Variants in RANBP3 observed in about 807,000 individuals in gnomAD.
The protein encoded by RANBP3 is RAN binding protein 3.
In RANBP3, 14 loss-of-function variants were observed where a neutral mutation model predicts 77.3. The observed-to-expected ratio is 0.18, with a 90% CI of 0.12 to 0.28. RANBP3 has a LOEUF of 0.28. RANBP3 is among the 10% of genes least tolerant of loss of function. The probability of loss-of-function intolerance (pLI) is 1.00; values close to 1 mark genes in which losing one functional copy is unlikely to be tolerated. For synonymous variants in RANBP3, 315 were observed against 312.4 expected, an observed-to-expected ratio of 1.01 and a Z score of -0.09; for missense variants, 586 against 752.3, an observed-to-expected ratio of 0.78 and a Z score of 2.59.
At chr19:5,936,121 G>T (rs1421364888) in intron 5 of RANBP3, among the ~76,000 whole-genome samples, 1 of 152,248 alleles carries the variant, frequency 6.6e-6, no homozygotes, top group Non-Finnish European at 1.5e-5. Context: ...AACCAGGGAA[G>T]GGATGGGAAT....
At chr19:5,975,914 A>G (rs2058585364) in intron 1 of RANBP3, among the ~76,000 whole-genome samples, 2 of 152,184 alleles carry the variant, frequency 1.3e-5, no homozygotes, top group South Asian at 4.1e-4. Flanking sequence ...TAGTTAGCAC[A>G]GAGCAAGGCA....
intron 1 of RANBP3, among the ~76,000 whole-genome samples, chr19:5,976,125 G>A (rs1386423010): frequency 6.6e-6 from 1 of 152,262 alleles, no homozygotes; most frequent in Middle Eastern, 3.4e-3. Context: ...GGGAAACCAG[G>A]GGTGACTTCA....
chr19:5,956,607 G>A (rs570156425), intron 2 of RANBP3, among the ~76,000 whole-genome samples: 1 of 152,322 alleles, frequency 6.6e-6, no homozygotes, highest in Admixed American at 6.5e-5. Context: ...CTAACACACA[G>A]GTATCCTGGG....
At position 5,924,942 on chromosome 19, in the gene RANBP3, G is replaced by A. The variant is rs767873796; in HGVS notation, c.918-37C>T. On this transcript the variant is annotated intron_variant, in intron 10 of 16. Transcript: ENST00000340578. The surrounding 1 kb of genome is among the most constrained non-coding windows in gnomAD (Gnocchi z 4.7). Reference sequence around the variant, plus strand: ...ATGTGCAATGAGTGTGGGGCGTCACGTGGGAACGTGGCCAGGCAAATGTAT... The same window carrying A: ...ATGTGCAATGAGTGTGGGGCGTCACATGGGAACGTGGCCAGGCAAATGTAT... The A allele has an allele frequency of 1.6e-5, 25 of 1,576,620 alleles. No homozygotes were observed. Among genetic ancestry groups the A allele is most frequent in the Middle Eastern group, 1.7e-4 (1 of 6,002 alleles).
At position 5,923,595 on chromosome 19, in the gene RANBP3, C is replaced by T. The variant is rs146156600; in HGVS notation, c.1099+217G>A. Among the ~76,000 whole-genome samples the T allele has an allele frequency of 1.4e-3, 210 of 152,322 alleles. No individual in the cohort carries two copies. Among genetic ancestry groups the T allele is most frequent in the Middle Eastern group, 6.8e-3 (2 of 294 alleles). On this transcript the variant is annotated intron_variant, in intron 12 of 16. Transcript: ENST00000340578. ...CTCCACGCCTGCTGCCTGCGCCTCC[C>T]CACCCTCCCCACGGCCACAAGGCGA...
chr19:5,919,105 G>A (rs548625403), intron 14 of RANBP3, among the ~76,000 whole-genome samples: 7 of 152,064 alleles, frequency 4.6e-5, no homozygotes, highest in Non-Finnish European at 1.0e-4. Context: ...CTCCTGACTG[G>A]CCTCCCCTGA....
intron 5 of RANBP3, among the ~76,000 whole-genome samples, chr19:5,940,817 G>A (rs1047898421): frequency 2.7e-4 from 41 of 152,240 alleles, no homozygotes; most frequent in African/African-American, 9.4e-4. Context: ...AAGTCAAGAC[G>A]GGGACGAGAG....
At position 5,973,392 on chromosome 19, in the gene RANBP3, CG is replaced by C. The variant is rs1344581026; in HGVS notation, c.22+4668del. 2.0e-5 allele frequency among the ~76,000 whole-genome samples: 3 copies of C among 152,298 alleles called. No individual in the cohort carries two copies. In the East Asian group the frequency reaches 5.8e-4, roughly 29 times the overall value. Reference sequence around the variant, plus strand: ...CTCTGCCCCCGGGGGGACACTGGGACGGAGACATTTCCACTGTCATGACTGG... The same window carrying C: ...CTCTGCCCCCGGGGGGACACTGGGACGAGACATTTCCACTGTCATGACTGG... On this transcript the variant is annotated intron_variant, in intron 1 of 16. Coordinates refer to ENST00000340578, the MANE Select transcript of RANBP3 (RefSeq NM_007322.3).
At chr19:5,919,404 G>A (rs1164423220) in intron 14 of RANBP3, among the ~76,000 whole-genome samples, 2 of 152,182 alleles carry the variant, frequency 1.3e-5, no homozygotes, top group African/African-American at 4.8e-5. Context: ...ACCTCCCTGA[G>A]CCCAGGTGCC....
At chr19:5,932,403 C>A in intron 7 of RANBP3, 49 bp downstream of exon 7, 1 of 1,515,286 alleles carries the variant, frequency 6.6e-7, no homozygotes, top group Non-Finnish European at 9.1e-7. Context: ...ACTTCGGGAA[C>A]GCTCTACCCT....
At chr19:5,942,999 C>T (rs891916221) in intron 3 of RANBP3, among the ~76,000 whole-genome samples, 1 of 152,136 alleles carries the variant, frequency 6.6e-6, no homozygotes, top group African/African-American at 2.4e-5. Flanking sequence ...TGCACCCCAG[C>T]CTGAAGGACA....
At chr19:5,932,975 G>C (rs139243143) in intron 6 of RANBP3, 28 of 269,956 alleles carry the variant, frequency 1.0e-4, no homozygotes, top group African/African-American at 6.3e-4. Flanking sequence ...ATGGGACAAG[G>C]ACCCTTGCAT....
intron 14 of RANBP3, among the ~76,000 whole-genome samples, chr19:5,918,963 G>A (rs2057781815): frequency 6.6e-6 from 1 of 152,262 alleles, no homozygotes. Flanking sequence ...GTGGGCACCA[G>A]GATGGCAGTT....
chr19:5,936,989 G>C (rs1379142801), intron 5 of RANBP3, among the ~76,000 whole-genome samples: 1 of 143,744 alleles, frequency 7.0e-6, no homozygotes, highest in East Asian at 2.1e-4. Context: ...TCAGGAGGCA[G>C]AGGGTGCAGT....
At chr19:5,925,597 G>T in intron 10 of RANBP3, 37 bp downstream of exon 10, 1 of 1,583,246 alleles carries the variant, frequency 6.3e-7, no homozygotes, top group South Asian at 1.1e-5. Flanking sequence ...CACCTGCATC[G>T]CCATGCCAGG....
intron 1 of RANBP3, among the ~76,000 whole-genome samples, chr19:5,973,983 C>T (rs2058559114): frequency 6.6e-6 from 1 of 152,144 alleles, no homozygotes; most frequent in Admixed American, 6.5e-5. Context: ...GTGTCCCCAC[C>T]ATCGATACCA....
chr19:5,940,217 C>G (rs371475883), intron 5 of RANBP3, among the ~76,000 whole-genome samples: 2 of 152,108 alleles, frequency 1.3e-5, no homozygotes, highest in East Asian at 3.8e-4. Context: ...AATGGTGGTC[C>G]CTCGCCTCTT....
At position 5,957,188 on chromosome 19, in the gene RANBP3, C is replaced by G. The variant is rs138755419; in HGVS notation, c.78+730G>C. 1.0e-3 allele frequency among the ~76,000 whole-genome samples: 152 copies of G among 152,284 alleles called. 2 individuals are homozygous for G. In the East Asian group the frequency reaches 0.028, roughly 28 times the overall value. On this transcript the variant is annotated intron_variant, in intron 2 of 16. Coordinates refer to ENST00000340578, the MANE Select transcript of RANBP3 (RefSeq NM_007322.3). ...CCACACAGCACCAACTAACTTCTGA[C>G]AAAACTCTGACCATCCACACCGATC...
chr19:5,925,012 G>T, intron 10 of RANBP3, 107 bp from the exon 11 acceptor site: 1 of 1,000,604 alleles, frequency 1.0e-6, no homozygotes, highest in Non-Finnish European at 1.6e-6. Context: ...ACAGTGGAGG[G>T]GCCTCCGCCA....
Sources: gnomAD v4.1 joint callset for allele counts (sites outside exome capture counted in the v4.1 genomes callset) on GRCh38, gnomAD v4.1.1 for gene constraint, Gnocchi (gnomAD v3.1) non-coding constraint, MANE v1.5 for transcripts, NCBI Gene and HGNC (gene_info 2026-07-23, HGNC 2026-07-21) for gene names.